Variants in KCNAB1 observed in about 807,000 individuals in gnomAD.
The protein encoded by KCNAB1 is voltage-gated potassium channel subunit beta-1.
KCNAB1 carries 35 observed loss-of-function variants against 64.6 expected under a neutral mutation model. The ratio of observed to expected loss-of-function variants is 0.54; its 90% CI spans 0.41 to 0.72. KCNAB1 has a LOEUF of 0.72. Ranked by LOEUF, KCNAB1 falls within the 30% of genes least tolerant of loss-of-function variation. KCNAB1 has a pLI of 0.00. For missense variants in KCNAB1, 401 were observed against 512.9 expected (o/e 0.78, Z 2.11); for synonymous variants, 177 against 183.8 (o/e 0.96, Z 0.30).
intron 1 of KCNAB1, among the ~76,000 whole-genome samples, chr3:156,123,764 G>A (rs1410394420): frequency 6.6e-6 from 1 of 152,180 alleles, no homozygotes; most frequent in Non-Finnish European, 1.5e-5. Flanking sequence ...GGAGTTGAAG[G>A]CAAAAGATTG....
chr3:156,433,824 CTT>C (rs1716398060), intron 2 of KCNAB1, among the ~76,000 whole-genome samples: 1 of 152,170 alleles, frequency 6.6e-6, no homozygotes, highest in Non-Finnish European at 1.5e-5. Context: ...GGGCTAGAGG[CTT>C]CCTACAAGTT....
chr3:156,476,564 TAC>T (rs71141710), intron 8 of KCNAB1, among the ~76,000 whole-genome samples: 42,355 of 149,774 alleles, frequency 0.28, 6,424 homozygotes, highest in South Asian at 0.38. Context: ...CACACACATA[TAC>T]ACACACACAC....
intron 8 of KCNAB1, among the ~76,000 whole-genome samples, chr3:156,488,232 A>T (rs1355331850): frequency 6.6e-6 from 1 of 152,066 alleles, no homozygotes; most frequent in Non-Finnish European, 1.5e-5. Context: ...GGCAGGAGAG[A>T]TAAGAAACAA....
At chr3:156,290,924 A>T in intron 1 of KCNAB1, 1 of 969,630 alleles carries the variant, frequency 1.0e-6, no homozygotes, top group Non-Finnish European at 1.2e-6. Context: ...GAACTCTGAC[A>T]AGGCTAATAA....
chr3:156,290,781 C>G (rs1720354909), intron 1 of KCNAB1, among the ~76,000 whole-genome samples: 1 of 152,214 alleles, frequency 6.6e-6, no homozygotes, highest in African/African-American at 2.4e-5. Flanking sequence ...GCCCCTCCCC[C>G]ATCCCAGTCC....
At chr3:156,202,164 C>G (rs1223395880) in intron 1 of KCNAB1, among the ~76,000 whole-genome samples, 3 of 152,184 alleles carry the variant, frequency 2.0e-5, no homozygotes, top group African/African-American at 4.8e-5. Flanking sequence ...ACCCTCTAGG[C>G]TCAACACTGG....
chr3:156,484,320 C>G (rs746430106), intron 8 of KCNAB1, among the ~76,000 whole-genome samples: 5 of 152,036 alleles, frequency 3.3e-5, no homozygotes, highest in Non-Finnish European at 5.9e-5. Flanking sequence ...CAAAAGGATG[C>G]TTTTTTCTTC....
At chr3:156,154,026 T>C (rs2108298406) in intron 1 of KCNAB1, among the ~76,000 whole-genome samples, 1 of 152,340 alleles carries the variant, frequency 6.6e-6, no homozygotes, top group South Asian at 2.1e-4. Context: ...TAACATAGAT[T>C]TCTCATTGTA....
chr3:156,138,068 G>A (rs1034547120), intron 1 of KCNAB1, among the ~76,000 whole-genome samples: 36 of 152,248 alleles, frequency 2.4e-4, no homozygotes, highest in Middle Eastern at 3.4e-3. Context: ...TGATGACAAA[G>A]GCAATGTTTT....
chr3:156,327,901 G>A (rs998828154), intron 1 of KCNAB1, among the ~76,000 whole-genome samples: 2 of 151,990 alleles, frequency 1.3e-5, no homozygotes, highest in African/African-American at 4.8e-5. Context: ...TCTCCCTCTG[G>A]TGCTCACCCA....
chr3:156,296,615 A>T (rs368992193), intron 1 of KCNAB1, among the ~76,000 whole-genome samples: 2 of 151,874 alleles, frequency 1.3e-5, no homozygotes, highest in Admixed American at 1.3e-4. Context: ...CTGGGACTAC[A>T]GGTGCCCACC....
chr3:156,375,773 G>T (rs1341451671), intron 1 of KCNAB1, among the ~76,000 whole-genome samples: 1 of 135,742 alleles, frequency 7.4e-6, no homozygotes, highest in East Asian at 2.0e-4. Flanking sequence ...CAGTATGGGA[G>T]GAAAGTCTGT....
intron 1 of KCNAB1, 105 bp downstream of exon 1, chr3:156,120,991 TA>T: frequency 7.4e-7 from 1 of 1,358,370 alleles, no homozygotes; most frequent in Non-Finnish European, 1.0e-6. Flanking sequence ...TTAACGGCTC[TA>T]ATTGCCTTAG....
chr3:156,515,604 C>T (rs1269742578), intron 10 of KCNAB1, among the ~76,000 whole-genome samples: 2 of 152,154 alleles, frequency 1.3e-5, no homozygotes, highest in South Asian at 2.1e-4. Flanking sequence ...CATCTGTATC[C>T]ACTACCCTGG....
chr3:156,507,330 G>A (rs1482958508), intron 8 of KCNAB1, among the ~76,000 whole-genome samples: 1 of 152,144 alleles, frequency 6.6e-6, no homozygotes, highest in Non-Finnish European at 1.5e-5. Flanking sequence ...AGATGTCAAA[G>A]GTTAGTGACT....
intron 1 of KCNAB1, among the ~76,000 whole-genome samples, chr3:156,294,138 G>C (rs1720634731): frequency 6.6e-6 from 1 of 152,156 alleles, no homozygotes; most frequent in Admixed American, 6.5e-5. Context: ...GGTTTTTCTG[G>C]TGGCACAGCT....
chr3:156,337,403 T>C (rs1723786711), intron 1 of KCNAB1, among the ~76,000 whole-genome samples: 1 of 152,340 alleles, frequency 6.6e-6, no homozygotes, highest in South Asian at 2.1e-4. Context: ...GTCTTCTTTT[T>C]TCCTTTCTGT....
intron 2 of KCNAB1, among the ~76,000 whole-genome samples, chr3:156,427,153 A>G (rs906853883): frequency 6.6e-6 from 1 of 152,172 alleles, no homozygotes; most frequent in Non-Finnish European, 1.5e-5. Flanking sequence ...TGGATTGGGC[A>G]TGGGGGTGGA....
intron 1 of KCNAB1, among the ~76,000 whole-genome samples, chr3:156,150,810 G>A (rs568629589): frequency 6.6e-6 from 1 of 151,942 alleles, no homozygotes; most frequent in African/African-American, 2.4e-5. Context: ...ATTTTATATA[G>A]TGAGAAAAAA....
Sources: allele counts gnomAD v4.1 joint callset (sites outside exome capture counted in the v4.1 genomes callset), GRCh38; gene constraint gnomAD v4.1.1; transcripts MANE v1.5; gene names NCBI Gene and HGNC (gene_info 2026-07-23, HGNC 2026-07-21).